Variants in RYR3 observed in about 807,000 individuals in gnomAD.
RYR3 encodes ryanodine receptor 3, also known as brain ryanodine receptor-calcium release channel.
Under a neutral mutation model 584.3 loss-of-function variants are expected in RYR3, and 207 were observed. That is an observed-to-expected ratio of 0.35 (90% confidence interval 0.32 to 0.40). RYR3 has a LOEUF of 0.40. Among genes scored for constraint, RYR3 ranks in the 10% least tolerant of loss-of-function variants. RYR3 has a pLI of 1.00. For synonymous variants in RYR3, 2,416 were observed against 2,248.5 expected (o/e 1.07, Z -2.11); for missense variants, 5,616 against 6,089.2 (o/e 0.92, Z 2.59).
chr15:33,756,362 T>A lies in RYR3; in HGVS notation c.8572T>A (p.Phe2858Ile). 6.3e-7 allele frequency: 1 copy of A among 1,575,452 alleles called. No individual in the cohort carries two copies. Among genetic ancestry groups the A allele is most frequent in the Non-Finnish European group, 8.6e-7 (1 of 1,159,390 alleles). ...EKSPRDQEIKFFAKVLLPLVD... is the reference protein window; with the variant it reads ...EKSPRDQEIKIFAKVLLPLVD... ...GTCTCCCCGTGACCAGGAGATCAAATTCTTTGCCAAAGTAAGTGGCCCTGC... is the reference window on the plus strand; with the variant it reads ...GTCTCCCCGTGACCAGGAGATCAAAATCTTTGCCAAAGTAAGTGGCCCTGC... Residue 2858 changes from phenylalanine (F) to isoleucine (I), a missense_variant, in exon 59 of 104, where the codon TTC (phenylalanine) becomes ATC (isoleucine). Transcript: ENST00000634891.
At chr15:33,680,140 C>A (rs2064484971) in intron 38 of RYR3, among the ~76,000 whole-genome samples, 1 of 152,146 alleles carries the variant, frequency 6.6e-6, no homozygotes, top group African/African-American at 2.4e-5. Flanking sequence ...TAGCTCCTAT[C>A]CTGCTGAGTG....
intron 57 of RYR3, among the ~76,000 whole-genome samples, chr15:33,751,527 T>C (rs970685588): frequency 6.6e-6 from 1 of 152,302 alleles, no homozygotes; most frequent in East Asian, 1.9e-4. Context: ...GCTGCATAAA[T>C]GTCTTCTTTT....
chr15:33,467,480 C>T (rs1567303314), intron 1 of RYR3: 4 of 984,778 alleles, frequency 4.1e-6, no homozygotes, highest in Non-Finnish European at 4.8e-6. Context: ...CCTCAGGCTG[C>T]GAGCCAAGGT....
chr15:33,612,698 C>T (rs1300067696), intron 18 of RYR3, among the ~76,000 whole-genome samples: 1 of 152,160 alleles, frequency 6.6e-6, no homozygotes. Context: ...CCTTGCCATT[C>T]TTCTCTTTGA....
Position 33,848,325 on chromosome 15 carries a change from T to C in RYR3, c.13532T>C (p.Ile4511Thr), listed in dbSNP as rs1395205696. Residue 4511 changes from isoleucine to threonine, a missense_variant, in exon 94 of 104, where the codon ATC (isoleucine) becomes ACC (threonine). Physicochemically the swap from Ile to Thr is moderately conservative, Grantham distance 89 (BLOSUM62 -1). Around this residue, in one of 9 missense-constraint regions of RYR3, gnomAD observed 918 missense variants for 887.4 expected, o/e 1.03. Transcript: ENST00000634891. ...GTGGTTTTCAAAAGGGAAAAAGAAATCGCCAGGAAGCTGGAGTTTGATGGC... is the reference window on the plus strand; with the variant it reads ...GTGGTTTTCAAAAGGGAAAAAGAAACCGCCAGGAAGCTGGAGTTTGATGGC... ...PLVVFKREKEIARKLEFDGLY... is the reference protein window; with the variant it reads ...PLVVFKREKETARKLEFDGLY... The C allele has an allele frequency of 6.2e-7, 1 of 1,613,706 alleles. No homozygotes were observed. The highest frequency in any genetic ancestry group is 2.2e-5 in the East Asian group (1 of 44,878).
rs534095372 is a variant in RYR3, at chr15:33,776,496, G to T, written c.9137+2881G>T. On this transcript the variant is annotated intron_variant, in intron 64 of 103. Transcript: ENST00000634891. ...CAGTTTTGTTTCAAATGAAGACTGA[G>T]TTTTCTACTTCATGCTTTAAAGCTA... 1.7e-3 allele frequency among the ~76,000 whole-genome samples: 262 copies of T among 152,306 alleles called. 1 individual carries two copies. Among genetic ancestry groups the T allele is most frequent in the African/African-American group, 6.0e-3 (250 of 41,578 alleles).
chr15:33,409,352 AAAAAAAAAAG>A (rs1402501847), intron 1 of RYR3, among the ~76,000 whole-genome samples: 3 of 151,564 alleles, frequency 2.0e-5, no homozygotes, highest in African/African-American at 7.3e-5. Flanking sequence ...AAATCTAAAA[AAAAAAAAAAG>A]AAAAAAGGCC....
chr15:33,530,438 C>T (rs1159990331), intron 3 of RYR3, among the ~76,000 whole-genome samples, 154 bp from the exon 4 acceptor site: 1 of 152,206 alleles, frequency 6.6e-6, no homozygotes, highest in Non-Finnish European at 1.5e-5. Flanking sequence ...CTCTTTCTGC[C>T]CGTAGACCAG....
chr15:33,419,130 G>A (rs1300019736), intron 1 of RYR3, among the ~76,000 whole-genome samples: 1 of 152,068 alleles, frequency 6.6e-6, no homozygotes, highest in Non-Finnish European at 1.5e-5. Flanking sequence ...ATATAAAAGC[G>A]AGGGAATAAT....
intron 20 of RYR3, 50 bp from the exon 21 acceptor site, chr15:33,628,421 T>C (rs1431089136): frequency 7.4e-7 from 1 of 1,342,444 alleles, no homozygotes; most frequent in South Asian, 1.2e-5. Flanking sequence ...ATAGATTTTA[T>C]GATAGGTTTC....
At chr15:33,608,143 C>T (rs1012119849) in intron 18 of RYR3, among the ~76,000 whole-genome samples, 2 of 152,216 alleles carry the variant, frequency 1.3e-5, no homozygotes, top group Non-Finnish European at 2.9e-5. Flanking sequence ...AAATAACTCT[C>T]TTTATAGCAT....
rs141595231 is a variant in RYR3 at position 33,444,342 on chromosome 15, ATATT to A, written c.52-29071_52-29068del. Reference sequence around the variant, plus strand: ...TTCTGAAAAACCAAAGGTTTAAGAAATATTTATTTTGCTAATTTCATTTATTGTT... The same window carrying A: ...TTCTGAAAAACCAAAGGTTTAAGAAATATTTTGCTAATTTCATTTATTGTT... On this transcript the variant is annotated intron_variant, in intron 1 of 103. Coordinates refer to ENST00000634891, the MANE Select transcript of RYR3 (RefSeq NM_001036.6). Among the ~76,000 whole-genome samples the A allele has an allele frequency of 8.4e-3, 1,284 of 152,322 alleles. 7 individuals are homozygous for A. Among genetic ancestry groups the A allele is most frequent in the Middle Eastern group, 0.024 (7 of 294 alleles).
chr15:33,717,468 A>C (rs139919193), intron 43 of RYR3, among the ~76,000 whole-genome samples: 22 of 152,256 alleles, frequency 1.4e-4, no homozygotes, highest in South Asian at 6.2e-4. Context: ...CATCCAGTCC[A>C]TCACCAAGTT....
intron 72 of RYR3, among the ~76,000 whole-genome samples, chr15:33,811,826 TA>T (rs918461859): frequency 6.6e-6 from 1 of 151,930 alleles, no homozygotes; most frequent in African/African-American, 2.4e-5. Flanking sequence ...GTTGGTACAA[TA>T]AAAAAATATA....
intron 36 of RYR3, among the ~76,000 whole-genome samples, chr15:33,666,685 C>G (rs935998752): frequency 1.3e-5 from 2 of 152,166 alleles, no homozygotes; most frequent in Non-Finnish European, 2.9e-5. Context: ...AGAGAGTATT[C>G]AGGGAGATGG....
intron 94 of RYR3, chr15:33,850,537 A>G (rs1400512442): frequency 1.3e-5 from 2 of 150,200 alleles, no homozygotes; most frequent in African/African-American, 5.0e-5. Flanking sequence ...ATAAATAGCT[A>G]TTTTTTAAAA....
chr15:33,522,421 A>AG (rs1175980792), intron 3 of RYR3, among the ~76,000 whole-genome samples: 1 of 152,098 alleles, frequency 6.6e-6, no homozygotes, highest in Non-Finnish European at 1.5e-5. Context: ...AAGATTTCTT[A>AG]GGGGGGAAAA....
At chr15:33,374,359 A>AGT (rs1454263422) in intron 1 of RYR3, among the ~76,000 whole-genome samples, 2 of 128,552 alleles carry the variant, frequency 1.6e-5, no homozygotes, top group African/African-American at 3.2e-5. Context: ...TTCCTGTACG[A>AGT]GTGTATGTGT....
At chr15:33,699,236 G>GTCTC (rs5811786) in intron 40 of RYR3, among the ~76,000 whole-genome samples, 9 of 114,474 alleles carry the variant, frequency 7.9e-5, no homozygotes, top group African/African-American at 1.4e-4. Flanking sequence ...CTGTCTGTCT[G>GTCTC]TCTCTCTCTC....
Sources: gnomAD v4.1 joint callset for allele counts (sites outside exome capture counted in the v4.1 genomes callset) on GRCh38, gnomAD v4.1.1 for gene constraint, gnomAD v4.1.1 regional missense constraint, MANE v1.5 for transcripts, NCBI Gene and HGNC (gene_info 2026-07-23, HGNC 2026-07-21) for gene names.